The following FBXL2 variants were observed in gnomAD, a reference collection of about 807,000 sequenced individuals.
The protein encoded by FBXL2 is F-box/LRR-repeat protein 2.
A neutral mutation model predicts 69.2 loss-of-function variants in FBXL2; 38 were observed. That is an observed-to-expected ratio of 0.55 (90% CI 0.42 to 0.72). FBXL2 has a LOEUF of 0.72. Among genes scored for constraint, FBXL2 ranks in the 30% least tolerant of loss-of-function variants. The pLI, the probability that FBXL2 is intolerant of heterozygous loss-of-function variation, is 0.00. For synonymous variants in FBXL2, 192 were observed against 201.3 expected, an observed-to-expected ratio of 0.95 and a Z score of 0.39; for missense variants, 354 against 520.3, an observed-to-expected ratio of 0.68 and a Z score of 3.11.
chr3:33,295,689 T>C (rs1032580166), intron 1 of FBXL2, among the ~76,000 whole-genome samples: 4 of 152,254 alleles, frequency 2.6e-5, no homozygotes, highest in Non-Finnish European at 5.9e-5. Context: ...TATGCCATTT[T>C]ACATTCCCAC....
chr3:33,412,955 T>C, the FBXL2 span: 1,217 of 575,794 alleles, frequency 2.1e-3, 16 homozygotes, highest in African/African-American at 0.021. Flanking sequence ...TTAAACATTC[T>C]GTAAGTGAAC....
chr3:33,393,211 A>T, intron 12 of FBXL2: 1 of 1,210,856 alleles, frequency 8.3e-7, no homozygotes, highest in Non-Finnish European at 1.1e-6. Flanking sequence ...GATTCTCATA[A>T]GTATTTTCAA....
intron 2 of FBXL2, among the ~76,000 whole-genome samples, chr3:33,320,681 A>G (rs2038122025): frequency 6.6e-6 from 1 of 151,954 alleles, no homozygotes; most frequent in Non-Finnish European, 1.5e-5. Flanking sequence ...GGGTTTCACC[A>G]TGTTGGTCAG....
At chr3:33,409,974 T>G in the FBXL2 span, among the ~76,000 whole-genome samples, 4 of 152,214 alleles carry the variant, frequency 2.6e-5, no homozygotes, top group Admixed American at 2.6e-4. Flanking sequence ...CACAGCAATC[T>G]TCACTTCATT....
chr3:33,322,603 A>G (rs1207724872), intron 2 of FBXL2, among the ~76,000 whole-genome samples: 1 of 152,206 alleles, frequency 6.6e-6, no homozygotes, highest in Non-Finnish European at 1.5e-5. Context: ...AAATCAAGCA[A>G]AACTACATGA....
chr3:33,405,643 A>ACAGC (rs1335270449), downstream of FBXL2, among the ~76,000 whole-genome samples: 1 of 152,166 alleles, frequency 6.6e-6, no homozygotes, highest in East Asian at 1.9e-4. Context: ...CCTGAGGAAC[A>ACAGC]CAGCGAGAAC....
chr3:33,392,516 A>C (rs763880538), downstream of FBXL2: 3 of 1,539,132 alleles, frequency 1.9e-6, no homozygotes, highest in African/African-American at 1.4e-5. Flanking sequence ...GGCACACACC[A>C]TCTCTCATGA....
At chr3:33,413,303 T>C in the FBXL2 span, among the ~76,000 whole-genome samples, 6 of 148,218 alleles carry the variant, frequency 4.0e-5, no homozygotes, top group Admixed American at 4.1e-4. Context: ...TCCCAGCACT[T>C]TGGGAGGCTG....
At chr3:33,379,680 CCAAAAAAAAAA>C (rs2042894678) in intron 13 of FBXL2, among the ~76,000 whole-genome samples, 1 of 143,270 alleles carries the variant, frequency 7.0e-6, no homozygotes, top group Non-Finnish European at 1.5e-5. Context: ...AAAAATTGTA[CCAAAAAAAAAA>C]CAAAAACAAA....
chr3:33,373,061 C>A (rs747400943), intron 5 of FBXL2, 31 bp from the exon 6 acceptor site: 14 of 1,602,014 alleles, frequency 8.7e-6, no homozygotes, highest in Non-Finnish European at 1.1e-5. Context: ...CAGCAACTTG[C>A]AGGGAGCTTT....
At chr3:33,411,656 T>G in the FBXL2 span, 2 of 1,614,150 alleles carry the variant, frequency 1.2e-6, no homozygotes, top group Non-Finnish European at 1.7e-6. Context: ...GATTCGTCCT[T>G]GTGTCAATTA....
At chr3:33,284,614 T>C (rs992279470) in intron 1 of FBXL2, among the ~76,000 whole-genome samples, 1 of 152,188 alleles carries the variant, frequency 6.6e-6, no homozygotes, top group African/African-American at 2.4e-5. Flanking sequence ...TAACTTTCTG[T>C]CTCATTGATC....
downstream of FBXL2, among the ~76,000 whole-genome samples, chr3:33,404,213 C>A (rs2044351306): frequency 6.6e-6 from 1 of 152,136 alleles, no homozygotes; most frequent in Non-Finnish European, 1.5e-5. Context: ...GAGATTGAGA[C>A]CATCCTGGCT....
chr3:33,418,259 AT>A, the FBXL2 span, among the ~76,000 whole-genome samples: 1 of 152,044 alleles, frequency 6.6e-6, no homozygotes, highest in Admixed American at 6.6e-5. Flanking sequence ...ATTTTTATTT[AT>A]TTATTTATTT....
At chr3:33,342,161 C>T (rs1050331748) in intron 2 of FBXL2, among the ~76,000 whole-genome samples, 1 of 151,174 alleles carries the variant, frequency 6.6e-6, no homozygotes, top group African/African-American at 2.4e-5. Context: ...CCTGATACTA[C>T]GCCCGGCTAA....
intron 4 of FBXL2, among the ~76,000 whole-genome samples, chr3:33,360,632 G>A (rs1003423280): frequency 2.6e-5 from 4 of 152,134 alleles, no homozygotes; most frequent in Admixed American, 6.6e-5. Context: ...CTTAACAGCA[G>A]TGATTACAAT....
In FBXL2 at chr3:33,385,724, T is replaced by TA. The variant is rs1444545408; in HGVS notation, c.*117dup. On this transcript the variant is annotated 3_prime_UTR_variant, in exon 15 of 15. Transcript: ENST00000484457. Reference sequence around the variant, plus strand: ...TTGATTCTCCATTGGGAAAGGCATTTACAGGTAAAAGACTTCTGTATGGAT... The same window carrying TA: ...TTGATTCTCCATTGGGAAAGGCATTTAACAGGTAAAAGACTTCTGTATGGAT... 2.5e-6 allele frequency: 2 copies of TA among 813,460 alleles called. No homozygotes were observed. The highest frequency in any genetic ancestry group is 3.4e-5 in the African/African-American group (2 of 58,068). The allele number at this position is 813,460 out of a possible 1,614,324, so 50.4% of individuals were successfully genotyped here. A position where few individuals can be genotyped will look rare whatever the true frequency, so the allele number is the denominator to read the frequency against.
At chr3:33,399,673 G>A (rs1391440900) in intron 12 of FBXL2, among the ~76,000 whole-genome samples, 6 of 152,296 alleles carry the variant, frequency 3.9e-5, no homozygotes, top group South Asian at 2.1e-4. Flanking sequence ...GTGTGACTCC[G>A]AAGGGGTAGC....
At chr3:33,326,443 C>T (rs2038698047) in intron 2 of FBXL2, among the ~76,000 whole-genome samples, 1 of 150,886 alleles carries the variant, frequency 6.6e-6, no homozygotes, top group Non-Finnish European at 1.5e-5. Flanking sequence ...GCGGAGCTTG[C>T]AGTGAGCCGA....
Sources: gnomAD v4.1 joint callset for allele counts (sites outside exome capture counted in the v4.1 genomes callset) on GRCh38, gnomAD v4.1.1 for gene constraint, MANE v1.5 for transcripts, NCBI Gene and HGNC (gene_info 2026-07-23, HGNC 2026-07-21) for gene names.